RANBP2: variants seen among roughly 807,000 people sequenced by gnomAD.
The protein encoded by RANBP2 is E3 SUMO-protein ligase RanBP2.
Under a neutral mutation model 303.6 loss-of-function variants are expected in RANBP2, and 57 were observed. The observed-to-expected ratio is 0.19, with a 90% CI of 0.15 to 0.23. The LOEUF (loss-of-function observed/expected upper bound fraction) is 0.23, where lower values mean the gene tolerates loss of function less well. Ranked by LOEUF, RANBP2 falls within the 10% of genes least tolerant of loss-of-function variation. RANBP2 has a pLI of 1.00. For synonymous variants in RANBP2, 1,167 were observed against 1,301.5 expected, an observed-to-expected ratio of 0.90 and a Z score of 2.23; for missense variants, 3,138 against 3,780.8, an observed-to-expected ratio of 0.83 and a Z score of 4.46.
chr2:109,106,035 G>A, the RANBP2 span, among the ~76,000 whole-genome samples: 1 of 139,074 alleles, frequency 7.2e-6, no homozygotes, highest in Non-Finnish European at 1.6e-5. Flanking sequence ...TTTTTTTTTT[G>A]TATTTTTAGT....
At chr2:109,224,029 T>C in the RANBP2 span, among the ~76,000 whole-genome samples, 2 of 152,184 alleles carry the variant, frequency 1.3e-5, no homozygotes, top group African/African-American at 4.8e-5. Flanking sequence ...ATAAAATCTG[T>C]CCACATGGCT....
chr2:109,207,829 A>C, the RANBP2 span, among the ~76,000 whole-genome samples: 59 of 152,202 alleles, frequency 3.9e-4, 1 homozygote, highest in Non-Finnish European at 4.4e-5. Context: ...TTTTAAAAAA[A>C]ATTAAACTAT....
the RANBP2 span, among the ~76,000 whole-genome samples, chr2:109,277,485 T>G: frequency 1.3e-5 from 2 of 152,222 alleles, no homozygotes; most frequent in Admixed American, 1.3e-4. Context: ...GCTAGGACAT[T>G]GGGCAGCTGC....
At chr2:108,880,224 CA>C in the RANBP2 span, among the ~76,000 whole-genome samples, 1 of 50,454 alleles carries the variant, frequency 2.0e-5, no homozygotes, top group Non-Finnish European at 4.8e-5. Context: ...CAAAAACAAA[CA>C]AAAAAAAAAA....
the RANBP2 span, among the ~76,000 whole-genome samples, chr2:108,865,380 A>G: frequency 6.6e-6 from 1 of 152,232 alleles, no homozygotes; most frequent in Admixed American, 6.5e-5. Context: ...GTTAATTGAT[A>G]TATCTCCATT....
At chr2:109,443,591 AGAAAGCTGGAGTGG>A in the RANBP2 span, among the ~76,000 whole-genome samples, 1 of 152,262 alleles carries the variant, frequency 6.6e-6, no homozygotes. Flanking sequence ...ATTAATCAAA[AGAAAGCTGGAGTGG>A]TTATCTTAAT....
the RANBP2 span, chr2:109,732,970 C>T: frequency 3.3e-6 from 2 of 611,202 alleles, no homozygotes; most frequent in Non-Finnish European, 6.3e-6. Flanking sequence ...GAAATCATGG[C>T]CCACCTCCCT....
the RANBP2 span, among the ~76,000 whole-genome samples, chr2:108,874,850 T>C: frequency 6.6e-6 from 1 of 152,178 alleles, no homozygotes; most frequent in African/African-American, 2.4e-5. Context: ...CCTATTGCAG[T>C]TACCTTATGG....
chr2:109,449,498 C>T, the RANBP2 span: 2 of 1,612,988 alleles, frequency 1.2e-6, no homozygotes, highest in Admixed American at 3.3e-5. Flanking sequence ...AGGTAAGAGG[C>T]CCATCCTGGA....
At chr2:109,198,311 G>A in the RANBP2 span, among the ~76,000 whole-genome samples, 1 of 152,144 alleles carries the variant, frequency 6.6e-6, no homozygotes, top group Admixed American at 6.5e-5. Context: ...TTATGACCCT[G>A]AGGAATAAAT....
rs121434504 is a variant in RANBP2, at chr2:108,753,474, A to G, written c.1966A>G (p.Ile656Val). ...YEEDAHITFA[I>V]LDAVNGNIED... ...AGAAGACGCACACATAACTTTTGCTATATTGGATGCAGTAAATGGAAATAT... is the reference window on the plus strand; with the variant it reads ...AGAAGACGCACACATAACTTTTGCTGTATTGGATGCAGTAAATGGAAATAT... The change falls in exon 14 of 29, where the codon ATA (isoleucine) becomes GTA (valine). Residue 656 changes from isoleucine to valine, a missense_variant. Transcript: ENST00000283195. 6.2e-7 allele frequency: 1 copy of G among 1,611,934 alleles called. No homozygotes were observed. The highest frequency in any genetic ancestry group is 8.5e-7 in the Non-Finnish European group (1 of 1,179,820).
At chr2:109,018,349 G>A in the RANBP2 span, among the ~76,000 whole-genome samples, 2 of 152,178 alleles carry the variant, frequency 1.3e-5, no homozygotes, top group Non-Finnish European at 2.9e-5. Flanking sequence ...TGCCTTGTCT[G>A]GTAGGCTGTC....
the RANBP2 span, among the ~76,000 whole-genome samples, chr2:109,705,218 A>T: frequency 7.9e-5 from 12 of 152,216 alleles, 1 homozygote; most frequent in South Asian, 2.5e-3. Context: ...CAGCCTGACC[A>T]ATATGGAGAA....
the RANBP2 span, among the ~76,000 whole-genome samples, chr2:109,180,406 C>T: frequency 1.3e-5 from 2 of 152,218 alleles, no homozygotes; most frequent in African/African-American, 2.4e-5. Context: ...TACACAGAGG[C>T]CATTAGCTAG....
At chr2:109,689,113 GCCAGGCTGATCTTGAACT>G in the RANBP2 span, among the ~76,000 whole-genome samples, 116 of 152,090 alleles carry the variant, frequency 7.6e-4, no homozygotes, top group African/African-American at 2.7e-3. Flanking sequence ...CACCATATTG[GCCAGGCTGATCTTGAACT>G]CCTGACCTCA....
At chr2:109,734,404 A>T in the RANBP2 span, among the ~76,000 whole-genome samples, 4 of 152,150 alleles carry the variant, frequency 2.6e-5, no homozygotes, top group Non-Finnish European at 4.4e-5. Flanking sequence ...AAAAAATTAA[A>T]TACTTAGAAA....
At chr2:108,760,659 T>G (rs1464585237) in intron 18 of RANBP2, among the ~76,000 whole-genome samples, 1 of 152,190 alleles carries the variant, frequency 6.6e-6, no homozygotes, top group East Asian at 1.9e-4. Context: ...TTAATACTAG[T>G]CATGGTCAAC....
the RANBP2 span, among the ~76,000 whole-genome samples, chr2:109,155,799 C>T: frequency 3.3e-5 from 5 of 152,170 alleles, no homozygotes; most frequent in Admixed American, 6.5e-5. Context: ...GTGTGAATAA[C>T]GTAGAATGGA....
At chr2:109,581,525 T>TG in the RANBP2 span, among the ~76,000 whole-genome samples, 1 of 148,048 alleles carries the variant, frequency 6.8e-6, no homozygotes, top group African/African-American at 2.5e-5. Flanking sequence ...AAGAAAGGTC[T>TG]GGGAAAAAAA....
Sources: gnomAD v4.1 joint callset for allele counts (sites outside exome capture counted in the v4.1 genomes callset) on GRCh38, gnomAD v4.1.1 for gene constraint, MANE v1.5 for transcripts, NCBI Gene and HGNC (gene_info 2026-07-23, HGNC 2026-07-21) for gene names.